MCHR2: variants seen among roughly 807,000 people sequenced by gnomAD.
The protein encoded by MCHR2 is melanin concentrating hormone receptor 2.
MCHR2 carries 15 observed loss-of-function variants against 24.8 expected under a neutral mutation model. That is an observed-to-expected ratio of 0.60 (90% CI 0.40 to 0.93). MCHR2 has a LOEUF of 0.93. MCHR2 is among the 40% of genes least tolerant of loss of function. The pLI is 0.00. For missense variants in MCHR2, 386 were observed against 408.7 expected, an observed-to-expected ratio of 0.94 and a Z score of 0.48; for synonymous variants, 151 against 147.6, an observed-to-expected ratio of 1.02 and a Z score of -0.17.
At chr6:99,992,671 T>C (rs890104713) in intron 1 of MCHR2, among the ~76,000 whole-genome samples, 2 of 152,232 alleles carry the variant, frequency 1.3e-5, no homozygotes, top group Non-Finnish European at 2.9e-5. Flanking sequence ...TTCCCCAGGC[T>C]TGAAAAACTT....
chr6:99,960,955 G>A (rs977897311), intron 1 of MCHR2, among the ~76,000 whole-genome samples: 1 of 152,124 alleles, frequency 6.6e-6, no homozygotes, highest in African/African-American at 2.4e-5. Flanking sequence ...AAAAGCAATG[G>A]CAACAAAAGC....
rs777238255 is a variant in MCHR2 at position 99,942,938 on chromosome 6, T to C, written c.587+11A>G. 1.9e-6 allele frequency: 3 copies of C among 1,585,000 alleles called. No homozygotes were observed. Among genetic ancestry groups the C allele is most frequent in the South Asian group, 1.1e-5 (1 of 87,508 alleles). On this transcript the variant is annotated intron_variant, in intron 4 of 5. Coordinates refer to ENST00000281806, the MANE Select transcript of MCHR2 (RefSeq NM_001040179.2). ...AATTCAACTCGTTTTTCTTAAGTTT[T>C]CACAACTTACCAGAGTACATCGTCA...
chr6:99,923,606 G>A (rs1456476683), intron 5 of MCHR2, among the ~76,000 whole-genome samples: 2 of 151,862 alleles, frequency 1.3e-5, no homozygotes, highest in East Asian at 3.8e-4. Flanking sequence ...ATAAAGAGAT[G>A]TTGAATTTTA....
At chr6:99,982,770 G>C (rs1310593865) in intron 1 of MCHR2, among the ~76,000 whole-genome samples, 1 of 152,048 alleles carries the variant, frequency 6.6e-6, no homozygotes, top group African/African-American at 2.4e-5. Context: ...TGATCAAATT[G>C]AGCACTCAAA....
chr6:99,926,876 A>G (rs184409304), intron 5 of MCHR2, among the ~76,000 whole-genome samples: 7 of 152,106 alleles, frequency 4.6e-5, no homozygotes, highest in African/African-American at 1.7e-4. Flanking sequence ...TTTTGTTGCC[A>G]TTGCTTTTGG....
rs940472647 is a variant in MCHR2, at chr6:99,962,277, C to G, written c.-27-6103G>C. ...TAGATAAATGGACTAATCATGTCTT[C>G]AGAGAAATGAAGTTAGATAGCATGA... On this transcript the variant is annotated intron_variant, in intron 1 of 5. Transcript: ENST00000281806. Among the ~76,000 whole-genome samples, 17 of 152,232 alleles carry G rather than the reference C, an allele frequency of 1.1e-4. 1 individual carries two copies. In the East Asian group the frequency reaches 1.9e-3, roughly 17 times the overall value.
At chr6:99,948,662 G>T (rs1217815484) in intron 2 of MCHR2, among the ~76,000 whole-genome samples, 2 of 151,970 alleles carry the variant, frequency 1.3e-5, no homozygotes, top group East Asian at 3.9e-4. Context: ...CTATGTTTGG[G>T]GTAATTTTTT....
At chr6:99,973,170 G>A (rs1023290357) in intron 1 of MCHR2, among the ~76,000 whole-genome samples, 2 of 151,586 alleles carry the variant, frequency 1.3e-5, no homozygotes, top group Non-Finnish European at 1.5e-5. Context: ...GGGTGTTAAA[G>A]TCTCCCATTA....
intron 2 of MCHR2, among the ~76,000 whole-genome samples, chr6:99,950,981 A>C (rs1003053404): frequency 6.6e-5 from 10 of 152,142 alleles, no homozygotes; most frequent in African/African-American, 2.2e-4. Context: ...ACCAGTGGGA[A>C]CTGGAGAGTA....
At position 99,920,901 on chromosome 6, in the gene MCHR2, G is replaced by A. The variant is rs199675431; in HGVS notation, c.*39C>T. 7.6e-6 allele frequency: 12 copies of A among 1,582,026 alleles called. No homozygotes were observed. The highest frequency in any genetic ancestry group is 1.0e-5 in the Non-Finnish European group (12 of 1,158,726). The stretch of plus-strand genomic sequence containing the variant: ...CCTTTCTGATAATACCAGTAAGATA[G>A]ACAATCATGTCTAGACTCATGGTGA... On this transcript the variant is annotated 3_prime_UTR_variant, in exon 6 of 6. Transcript: ENST00000281806.
intron 4 of MCHR2, among the ~76,000 whole-genome samples, chr6:99,938,786 T>G (rs1289836480): frequency 6.6e-6 from 1 of 152,080 alleles, no homozygotes; most frequent in African/African-American, 2.4e-5. Context: ...GAATGGTGTG[T>G]TAAAATCTCT....
At chr6:99,953,052 A>C (rs1459813376) in intron 2 of MCHR2, among the ~76,000 whole-genome samples, 1 of 152,254 alleles carries the variant, frequency 6.6e-6, no homozygotes, top group South Asian at 2.1e-4. Flanking sequence ...TGTTTCCATA[A>C]GTTACAGCTC....
chr6:99,942,509 C>G (rs1402045817), intron 4 of MCHR2, among the ~76,000 whole-genome samples: 1 of 152,108 alleles, frequency 6.6e-6, no homozygotes, highest in African/African-American at 2.4e-5. Flanking sequence ...CTGAAAAAAC[C>G]CTATTTCCAA....
chr6:99,956,891 A>T (rs1345025461), intron 1 of MCHR2, among the ~76,000 whole-genome samples: 1 of 152,108 alleles, frequency 6.6e-6, no homozygotes, highest in Non-Finnish European at 1.5e-5. Context: ...GGAAATGATA[A>T]ATTGGATTAC....
At chr6:99,981,519 G>T (rs1775669028) in intron 1 of MCHR2, among the ~76,000 whole-genome samples, 1 of 152,150 alleles carries the variant, frequency 6.6e-6, no homozygotes, top group South Asian at 2.1e-4. Flanking sequence ...CTGAATCCAG[G>T]TTCTACCCTA....
intron 2 of MCHR2, among the ~76,000 whole-genome samples, chr6:99,951,437 C>G (rs560787147): frequency 6.6e-6 from 1 of 152,142 alleles, no homozygotes; most frequent in Non-Finnish European, 1.5e-5. Context: ...CCAACCCTTC[C>G]CTAGATACAT....
At chr6:99,924,638 C>T (rs1214132884) in intron 5 of MCHR2, among the ~76,000 whole-genome samples, 2 of 151,906 alleles carry the variant, frequency 1.3e-5, no homozygotes, top group African/African-American at 2.4e-5. Flanking sequence ...TTTTCAACTT[C>T]CTTAATTTCT....
At chr6:99,929,889 A>C (rs1413394344) in intron 5 of MCHR2, among the ~76,000 whole-genome samples, 1 of 149,924 alleles carries the variant, frequency 6.7e-6, no homozygotes, top group Non-Finnish European at 1.5e-5. Context: ...TTATGATGTT[A>C]GCTGGTTATT....
At chr6:99,931,108 C>T (rs1171308907) in intron 5 of MCHR2, among the ~76,000 whole-genome samples, 1 of 152,208 alleles carries the variant, frequency 6.6e-6, no homozygotes, top group African/African-American at 2.4e-5. Context: ...CCACTCCAGA[C>T]CCTGTTTGCA....
Sources: allele counts gnomAD v4.1 joint callset (sites outside exome capture counted in the v4.1 genomes callset), GRCh38; gene constraint gnomAD v4.1.1; transcripts MANE v1.5; gene names NCBI Gene and HGNC (gene_info 2026-07-23, HGNC 2026-07-21).